ROBO2: variants seen among roughly 807,000 people sequenced by gnomAD.
ROBO2 encodes the protein roundabout guidance receptor 2.
In ROBO2, 53 loss-of-function variants were observed where a neutral mutation model predicts 160.8. That is an observed-to-expected ratio of 0.33 (90% CI 0.26 to 0.41). The LOEUF is 0.41. Ranked by LOEUF, ROBO2 falls within the 10% of genes least tolerant of loss-of-function variation. ROBO2 has a pLI of 1.00. For missense variants in ROBO2, 1,577 were observed against 1,722.4 expected (o/e 0.92, Z 1.49); for synonymous variants, 664 against 611.7 (o/e 1.09, Z -1.26).
At position 75,975,876 on chromosome 3, in the gene ROBO2, T is replaced by C. The variant is rs527758373; in HGVS notation, c.109+38274T>C. 7.9e-5 allele frequency among the ~76,000 whole-genome samples: 12 copies of C among 151,726 alleles called. No homozygotes were observed. In the South Asian group the frequency reaches 2.5e-3, roughly 31 times the overall value. ...GACAGGAAGTAGTATTAATCTGATT[T>C]CTACAGGACTGGGGGGCTTTTTATT... On this transcript the variant is annotated intron_variant, in intron 2 of 26. Coordinates refer to the ROBO2 transcript ENST00000487694.
chr3:77,599,945 A>G (rs914485136), intron 19 of ROBO2, among the ~76,000 whole-genome samples: 3 of 152,316 alleles, frequency 2.0e-5, no homozygotes, highest in Admixed American at 1.3e-4. Flanking sequence ...AGATAATTAT[A>G]TAAAACAAAA....
At chr3:76,190,658 A>G (rs1701966103) in intron 2 of ROBO2, among the ~76,000 whole-genome samples, 1 of 152,128 alleles carries the variant, frequency 6.6e-6, no homozygotes, top group African/African-American at 2.4e-5. Context: ...CTTGTAAACC[A>G]GGTTAATTTA....
At chr3:76,531,260 C>T in intron 2 of ROBO2, among the ~76,000 whole-genome samples, 1 of 152,108 alleles carries the variant, frequency 6.6e-6, no homozygotes, top group Non-Finnish European at 1.5e-5. Context: ...ATTCATTGAA[C>T]CAAATGCATC....
At chr3:76,221,951 T>C (rs537758284) in intron 2 of ROBO2, among the ~76,000 whole-genome samples, 3 of 152,272 alleles carry the variant, frequency 2.0e-5, no homozygotes, top group African/African-American at 7.2e-5. Flanking sequence ...GTGGAAGCAG[T>C]CTAATGTAGA....
At chr3:77,295,778 A>G (rs928979498) in intron 2 of ROBO2, among the ~76,000 whole-genome samples, 26 of 151,368 alleles carry the variant, frequency 1.7e-4, no homozygotes, top group Non-Finnish European at 2.4e-4. Context: ...ATAAAGTAAA[A>G]TTGATGTTTA....
chr3:77,075,616 TA>T (rs1370206123), intron 1 of ROBO2, among the ~76,000 whole-genome samples: 4 of 151,850 alleles, frequency 2.6e-5, no homozygotes, highest in African/African-American at 9.7e-5. Context: ...CAAAATATGC[TA>T]TTTTTTTATA....
At chr3:75,946,869 G>C (rs1328615577) in intron 2 of ROBO2, among the ~76,000 whole-genome samples, 1 of 152,048 alleles carries the variant, frequency 6.6e-6, no homozygotes, top group Non-Finnish European at 1.5e-5. Flanking sequence ...ATGGATATGT[G>C]ATATGATGAG....
chr3:77,098,771 G>T (rs559986615), intron 2 of ROBO2, among the ~76,000 whole-genome samples: 1 of 152,048 alleles, frequency 6.6e-6, no homozygotes, highest in African/African-American at 2.4e-5. Context: ...CAGGAGAATG[G>T]TGTGAACCCG....
chr3:77,273,269 A>G (rs1271003410), intron 2 of ROBO2, among the ~76,000 whole-genome samples: 1 of 152,146 alleles, frequency 6.6e-6, no homozygotes, highest in Non-Finnish European at 1.5e-5. Flanking sequence ...ATGCAGCAAC[A>G]TAGATGTGCT....
chr3:77,556,576 T>C (rs1045706536), intron 8 of ROBO2, among the ~76,000 whole-genome samples: 3 of 151,862 alleles, frequency 2.0e-5, no homozygotes, highest in Non-Finnish European at 4.4e-5. Flanking sequence ...CTATGAACTC[T>C]AGTAAATATG....
At chr3:77,195,476 A>G (rs2082231169) in intron 2 of ROBO2, among the ~76,000 whole-genome samples, 1 of 152,224 alleles carries the variant, frequency 6.6e-6, no homozygotes, top group Non-Finnish European at 1.5e-5. Flanking sequence ...AACTGACAGT[A>G]AAATTGCAAA....
At chr3:77,117,452 C>T (rs2074320966) in intron 2 of ROBO2, among the ~76,000 whole-genome samples, 1 of 152,026 alleles carries the variant, frequency 6.6e-6, no homozygotes, top group Non-Finnish European at 1.5e-5. Flanking sequence ...GTTCTTTTAA[C>T]CCAAGGGAGT....
intron 2 of ROBO2, among the ~76,000 whole-genome samples, chr3:77,388,905 G>A (rs2074411007): frequency 6.6e-6 from 1 of 152,194 alleles, no homozygotes; most frequent in Non-Finnish European, 1.5e-5. Flanking sequence ...TAAATTCAGA[G>A]TTTACGTCAG....
At chr3:76,252,467 C>A (rs1321079189) in intron 2 of ROBO2, among the ~76,000 whole-genome samples, 1 of 151,932 alleles carries the variant, frequency 6.6e-6, no homozygotes, top group Non-Finnish European at 1.5e-5. Flanking sequence ...AACATACTAG[C>A]AATATAAATA....
intron 22 of ROBO2, among the ~76,000 whole-genome samples, chr3:77,619,353 A>G (rs2094851001): frequency 2.0e-5 from 3 of 152,188 alleles, no homozygotes; most frequent in Admixed American, 1.3e-4. Context: ...AGAATTCTCT[A>G]TAGTAAGTCA....
At chr3:76,622,223 GAAGGAAGGAAGGAAGAAAGAAAGAAAGA>G (rs1183002287) in intron 2 of ROBO2, among the ~76,000 whole-genome samples, 46 of 23,674 alleles carry the variant, frequency 1.9e-3, no homozygotes, top group African/African-American at 4.5e-3. Flanking sequence ...AGGAAGGAAG[GAAGGAAGGAAGGAAGAAAGAAAGAAAGA>G]AAGAAAGAAA....
chr3:76,309,967 G>T (rs1278656884), intron 2 of ROBO2, among the ~76,000 whole-genome samples: 1 of 152,012 alleles, frequency 6.6e-6, no homozygotes, highest in Non-Finnish European at 1.5e-5. Flanking sequence ...GGAACTACAG[G>T]CGTACCACCA....
chr3:77,611,095 G>A (rs746585781), intron 21 of ROBO2, among the ~76,000 whole-genome samples: 13 of 151,916 alleles, frequency 8.6e-5, no homozygotes, highest in Admixed American at 3.9e-4. Context: ...TCAAGAGATC[G>A]AGACCATCCT....
At chr3:77,137,134 C>T (rs1390620383) in intron 2 of ROBO2, among the ~76,000 whole-genome samples, 7 of 152,130 alleles carry the variant, frequency 4.6e-5, no homozygotes, top group Non-Finnish European at 1.5e-5. Flanking sequence ...ATTCTCACGA[C>T]TCTTATTGCA....
Sources: gnomAD v4.1 joint callset for allele counts (sites outside exome capture counted in the v4.1 genomes callset) on GRCh38, gnomAD v4.1.1 for gene constraint, MANE v1.5 for transcripts, NCBI Gene and HGNC (gene_info 2026-07-23, HGNC 2026-07-21) for gene names.